Variants in NUP54 observed in about 807,000 individuals in gnomAD.
NUP54 encodes nucleoporin 54.
Under a neutral mutation model 66.4 loss-of-function variants are expected in NUP54, and 27 were observed. The observed-to-expected ratio is 0.41, with a 90% CI of 0.30 to 0.56. The LOEUF (loss-of-function observed/expected upper bound fraction) is 0.56, where lower values mean the gene tolerates loss of function less well. Ranked by LOEUF, NUP54 falls within the 20% of genes least tolerant of loss-of-function variation. The pLI, the probability that NUP54 is intolerant of heterozygous loss-of-function variation, is 0.34. For missense variants in NUP54, 486 were observed against 596.3 expected, an observed-to-expected ratio of 0.82 and a Z score of 1.93; for synonymous variants, 206 against 210.7, an observed-to-expected ratio of 0.98 and a Z score of 0.19.
chr4:76,135,156 A>G (rs975646014), intron 4 of NUP54, among the ~76,000 whole-genome samples: 1 of 152,210 alleles, frequency 6.6e-6, no homozygotes, highest in Non-Finnish European at 1.5e-5. Flanking sequence ...TACAAATACT[A>G]TAAAGAATGT....
At chr4:76,145,572 G>A in intron 1 of NUP54, 1 of 1,275,924 alleles carries the variant, frequency 7.8e-7, no homozygotes, top group Non-Finnish European at 1.0e-6. Flanking sequence ...CAACAAGAAT[G>A]TGTTTCTTGA....
chr4:76,118,584 G>GGGGGGGGGGC (rs1730071351), intron 9 of NUP54: 1 of 96,280 alleles, frequency 1.0e-5, no homozygotes, highest in Admixed American at 1.1e-4. Flanking sequence ...GGGGGGGGGG[G>GGGGGGGGGGC]TCTCACTATG....
At chr4:76,146,442 T>G (rs1731503031) in intron 1 of NUP54, among the ~76,000 whole-genome samples, 1 of 152,264 alleles carries the variant, frequency 6.6e-6, no homozygotes, top group Admixed American at 6.5e-5. Flanking sequence ...CGAATACATC[T>G]TAATTAAAAT....
chr4:76,133,072 AT>A (rs1730883874), intron 5 of NUP54, among the ~76,000 whole-genome samples: 1 of 149,844 alleles, frequency 6.7e-6, no homozygotes, highest in Non-Finnish European at 1.5e-5. Flanking sequence ...ATATTTTTAA[AT>A]TTTTTTGAGA....
chr4:76,115,340 A>G lies in NUP54; in HGVS notation c.*26T>C, dbSNP rs530708565. ...GATGCAGTAAGAAGATGCATTTCAC[A>G]AACCTTTACACAAGTTTGTGAACTG... On this transcript the variant is annotated 3_prime_UTR_variant, in exon 12 of 12. Coordinates refer to ENST00000264883, the MANE Select transcript of NUP54 (RefSeq NM_017426.4). 4.3e-4 allele frequency: 659 copies of G among 1,549,230 alleles called. 6 individuals carry two copies. In the South Asian group the frequency reaches 8.3e-3, roughly 20 times the overall value.
intron 9 of NUP54, among the ~76,000 whole-genome samples, chr4:76,121,549 C>G (rs1730237313): frequency 6.6e-6 from 1 of 152,180 alleles, no homozygotes; most frequent in African/African-American, 2.4e-5. Context: ...ACTAGAGCCT[C>G]AAACTCCTGG....
At chr4:76,120,101 CACT>C (rs970972021) in intron 9 of NUP54, among the ~76,000 whole-genome samples, 3 of 151,896 alleles carry the variant, frequency 2.0e-5, no homozygotes, top group Non-Finnish European at 4.4e-5. Context: ...TTTGTTTTCA[CACT>C]ACAATGCCAT....
At chr4:76,144,095 T>C (rs1038608091) in intron 3 of NUP54, 54 bp downstream of exon 3, 5 of 1,576,010 alleles carry the variant, frequency 3.2e-6, no homozygotes, top group Non-Finnish European at 4.4e-6. Context: ...CACTCAATAA[T>C]GTCAGCTAGT....
intron 8 of NUP54, among the ~76,000 whole-genome samples, chr4:76,125,067 ATTAC>A (rs943628456): frequency 3.9e-5 from 6 of 152,034 alleles, no homozygotes; most frequent in Non-Finnish European, 7.4e-5. Flanking sequence ...AGGCAGGCAA[ATTAC>A]TTAAGGTCAG....
rs1429015501 is a variant in NUP54, at chr4:76,144,398, C to T, written c.143G>A (p.Gly48Asp). 1.2e-6 allele frequency: 2 copies of T among 1,608,468 alleles called. No homozygotes were observed. Among genetic ancestry groups the T allele is most frequent in the Admixed American group, 3.4e-5 (2 of 58,802 alleles). The change falls in exon 2 of 12, where the codon GGC (glycine) becomes GAC (aspartate). Residue 48 changes from glycine (G) to aspartate (D), a missense_variant. Coordinates refer to ENST00000264883, the MANE Select transcript of NUP54 (RefSeq NM_017426.4). ...AFSFSAPTNTGTTGLFGGTQN... is the reference protein window; with the variant it reads ...AFSFSAPTNTDTTGLFGGTQN... ...TTAAGATGGCCTCTTACCAGTAGTG[C>T]CTGTGTTAGTTGGGGCAGAAAAGCT...
At chr4:76,125,852 G>GA (rs766135764) in intron 8 of NUP54, among the ~76,000 whole-genome samples, 4 of 88,176 alleles carry the variant, frequency 4.5e-5, no homozygotes, top group Non-Finnish European at 8.9e-5. Context: ...GAGGGAGAGA[G>GA]GGGGAGGGGG....
intron 9 of NUP54, among the ~76,000 whole-genome samples, chr4:76,119,680 TTC>T (rs1295363156): frequency 1.3e-5 from 2 of 152,028 alleles, no homozygotes; most frequent in Non-Finnish European, 2.9e-5. Context: ...GCCAGGCTGC[TTC>T]TCTTTCTTTC....
At position 76,144,224 on chromosome 4, in the gene NUP54, T is replaced by C; in HGVS notation, c.220A>G (p.Ser74Gly). Residue 74 changes from serine (S) to glycine (G), a missense_variant, in exon 3 of 12, where the codon AGT (serine) becomes GGT (glycine). Ser to Gly is a moderately conservative substitution (Grantham distance 56). This residue lies in a region of NUP54 where 145 missense variants were observed against 137.1 expected (regional missense o/e 1.06). Coordinates refer to ENST00000264883, the MANE Select transcript of NUP54 (RefSeq NM_017426.4). ...GTGFGTTTGT[S>G]TGLGTGLGTG... The stretch of plus-strand genomic sequence containing the variant: ...CCCAAACCAGTACCTAAACCAGTAC[T>C]AGTTCCCGTTGTTGTGCCAAAACCA... 1 of 1,613,780 alleles carries C rather than the reference T, an allele frequency of 6.2e-7. No homozygotes were observed.
At chr4:76,128,485 A>T (rs1730641382) in intron 8 of NUP54, among the ~76,000 whole-genome samples, 1 of 152,210 alleles carries the variant, frequency 6.6e-6, no homozygotes, top group Admixed American at 6.5e-5. Flanking sequence ...CAAAACAAAT[A>T]AATGGTAGGA....
chr4:76,118,730 C>A (rs879349649), intron 9 of NUP54, among the ~76,000 whole-genome samples: 14 of 151,376 alleles, frequency 9.2e-5, no homozygotes, highest in Non-Finnish European at 2.1e-4. Context: ...CTTGGCCGGG[C>A]GCGGTGGCTC....
intron 11 of NUP54, among the ~76,000 whole-genome samples, chr4:76,115,989 T>C (rs1188261421): frequency 1.3e-5 from 2 of 152,222 alleles, no homozygotes; most frequent in African/African-American, 4.8e-5. Context: ...ACTTAACTCA[T>C]TTAAAATCCT....
At chr4:76,129,108 T>C (rs531049413) in intron 8 of NUP54, among the ~76,000 whole-genome samples, 1 of 152,320 alleles carries the variant, frequency 6.6e-6, no homozygotes, top group African/African-American at 2.4e-5. Flanking sequence ...ATGATAAATG[T>C]ATGGGGTAAT....
In NUP54 at chr4:76,136,177, T is replaced by C. The variant is rs1731030475; in HGVS notation, c.522+9A>G. 6.3e-7 allele frequency: 1 copy of C among 1,584,930 alleles called. No individual in the cohort carries two copies. The highest frequency in any genetic ancestry group is 1.1e-5 in the South Asian group (1 of 90,364). On this transcript the variant is annotated intron_variant, in intron 4 of 11. Coordinates refer to ENST00000264883, the MANE Select transcript of NUP54 (RefSeq NM_017426.4). ...CTTCAACTGAAGATAAAAATAGTAT[T>C]AATAATACCTTAAATCGGCAAAAGG... is the stretch of plus-strand genomic sequence containing the variant.
intron 11 of NUP54, among the ~76,000 whole-genome samples, 183 bp downstream of exon 11, chr4:76,117,481 T>C (rs1176555504): frequency 6.6e-6 from 1 of 152,222 alleles, no homozygotes. Context: ...CTTTAATTTT[T>C]TGAGTAAACA....
Sources: gnomAD v4.1 joint callset for allele counts (sites outside exome capture counted in the v4.1 genomes callset) on GRCh38, gnomAD v4.1.1 for gene constraint, gnomAD v4.1.1 regional missense constraint, MANE v1.5 for transcripts, NCBI Gene and HGNC (gene_info 2026-07-23, HGNC 2026-07-21) for gene names.